Variants in PLCB1 observed in about 807,000 individuals in gnomAD.
PLCB1 encodes the protein 1-phosphatidylinositol 4,5-bisphosphate phosphodiesterase beta-1.
Under a neutral mutation model 161.8 loss-of-function variants are expected in PLCB1, and 46 were observed. The observed-to-expected ratio is 0.28, with a 90% confidence interval of 0.22 to 0.36. The LOEUF (loss-of-function observed/expected upper bound fraction) is 0.36. Ranked by LOEUF, PLCB1 falls within the 10% of genes least tolerant of loss-of-function variation. PLCB1 has a pLI of 1.00. For synonymous variants in PLCB1, 517 were observed against 503.7 expected (o/e 1.03, Z -0.35); for missense variants, 1,016 against 1,472.5 (o/e 0.69, Z 5.07).
At chr20:8,457,345 A>T (rs1981361568) in intron 3 of PLCB1, among the ~76,000 whole-genome samples, 1 of 151,826 alleles carries the variant, frequency 6.6e-6, no homozygotes, top group African/African-American at 2.4e-5. Flanking sequence ...CCACCCACAA[A>T]CCCAGAGTGA....
chr20:8,202,905 G>C (rs1978332643), intron 2 of PLCB1, among the ~76,000 whole-genome samples: 1 of 152,118 alleles, frequency 6.6e-6, no homozygotes, highest in Non-Finnish European at 1.5e-5. Context: ...GTAGAATTTG[G>C]TCTAGGCCTT....
chr20:8,681,084 GTGTATATATA>G (rs1262959654), intron 9 of PLCB1, among the ~76,000 whole-genome samples: 6 of 39,774 alleles, frequency 1.5e-4, no homozygotes, highest in African/African-American at 7.3e-4. Context: ...ATATGTGTGT[GTGTATATATA>G]TATATATATA....
chr20:8,621,184 T>A (rs1225588117), intron 3 of PLCB1, among the ~76,000 whole-genome samples: 1 of 152,148 alleles, frequency 6.6e-6, no homozygotes, highest in East Asian at 1.9e-4. Flanking sequence ...GTCGGGGGTT[T>A]AAACAGGAAG....
chr20:8,286,533 TG>T (rs1483949659), intron 2 of PLCB1, among the ~76,000 whole-genome samples: 1 of 152,186 alleles, frequency 6.6e-6, no homozygotes. Flanking sequence ...CAGAAGATAA[TG>T]GACTGTTGGC....
chr20:8,240,306 G>GCA (rs1243676536), intron 2 of PLCB1, among the ~76,000 whole-genome samples: 2 of 77,118 alleles, frequency 2.6e-5, no homozygotes, highest in Non-Finnish European at 5.6e-5. Flanking sequence ...ACACACACAC[G>GCA]CACACACACA....
chr20:8,499,045 A>G (rs1983296289), intron 3 of PLCB1, among the ~76,000 whole-genome samples: 1 of 152,244 alleles, frequency 6.6e-6, no homozygotes, highest in South Asian at 2.1e-4. Context: ...TTGAAAACCC[A>G]AGAAAAAATA....
At chr20:8,157,979 A>G (rs926781364) in intron 2 of PLCB1, among the ~76,000 whole-genome samples, 3 of 152,174 alleles carry the variant, frequency 2.0e-5, no homozygotes, top group Non-Finnish European at 2.9e-5. Context: ...TAATTACAAA[A>G]TTGTTCCTTG....
intron 3 of PLCB1, among the ~76,000 whole-genome samples, chr20:8,565,914 T>A (rs1322923458): frequency 6.6e-6 from 1 of 152,050 alleles, no homozygotes; most frequent in Non-Finnish European, 1.5e-5. Context: ...GAGCAGAAAT[T>A]TACAAGAAGT....
intron 3 of PLCB1, among the ~76,000 whole-genome samples, chr20:8,414,003 C>CT (rs1466512024): frequency 3.3e-5 from 5 of 152,230 alleles, no homozygotes; most frequent in African/African-American, 1.2e-4. Flanking sequence ...TCCTGAAACT[C>CT]TAACAGATTA....
intron 3 of PLCB1, among the ~76,000 whole-genome samples, chr20:8,528,833 G>C (rs1021228377): frequency 6.6e-6 from 1 of 151,764 alleles, no homozygotes; most frequent in Non-Finnish European, 1.5e-5. Context: ...AACAAGGGGC[G>C]AAAAGTGCTG....
intron 24 of PLCB1, among the ~76,000 whole-genome samples, chr20:8,760,146 C>G (rs2123571476): frequency 6.6e-6 from 1 of 152,178 alleles, no homozygotes; most frequent in East Asian, 1.9e-4. Context: ...CTCAAGTGAT[C>G]CGCCTGCCTC....
chr20:8,861,012 T>A (rs1703601903), intron 31 of PLCB1, among the ~76,000 whole-genome samples: 2 of 152,208 alleles, frequency 1.3e-5, no homozygotes, highest in Non-Finnish European at 1.5e-5. Context: ...TGGTTACTGA[T>A]TTATTAAATA....
intron 2 of PLCB1, among the ~76,000 whole-genome samples, chr20:8,161,314 T>C (rs1332958875): frequency 1.3e-5 from 2 of 152,198 alleles, no homozygotes; most frequent in African/African-American, 4.8e-5. Context: ...CTTACACATA[T>C]ATATAGTGTG....
At chr20:8,149,016 A>G (rs1600199061) in intron 1 of PLCB1, among the ~76,000 whole-genome samples, 5 of 152,342 alleles carry the variant, frequency 3.3e-5, no homozygotes, top group Admixed American at 3.3e-4. Flanking sequence ...CAGCACAGCA[A>G]GGTGAATGCA....
At chr20:8,707,260 C>A (rs924832097) in intron 11 of PLCB1, among the ~76,000 whole-genome samples, 1 of 151,946 alleles carries the variant, frequency 6.6e-6, no homozygotes, top group African/African-American at 2.4e-5. Context: ...AGGGAAATAG[C>A]TTTCAGGAGT....
At chr20:8,613,906 TCATTTGA>T (rs1987973773) in intron 3 of PLCB1, among the ~76,000 whole-genome samples, 1 of 151,882 alleles carries the variant, frequency 6.6e-6, no homozygotes, top group African/African-American at 2.4e-5. Flanking sequence ...AAATGCCACA[TCATTTGA>T]CATTAAACCA....
chr20:8,456,439 G>A (rs931170771), intron 3 of PLCB1, among the ~76,000 whole-genome samples: 20 of 152,206 alleles, frequency 1.3e-4, no homozygotes, highest in African/African-American at 4.8e-4. Context: ...TAGTAGCACT[G>A]GTTTTTGGGA....
chr20:8,746,576 C>A (rs979459460), intron 23 of PLCB1, among the ~76,000 whole-genome samples: 4 of 152,274 alleles, frequency 2.6e-5, no homozygotes, highest in Non-Finnish European at 5.9e-5. Flanking sequence ...CAACTCCCAG[C>A]TCAAGCAATC....
At chr20:8,835,969 A>C (rs1986265208) in intron 31 of PLCB1, among the ~76,000 whole-genome samples, 1 of 152,024 alleles carries the variant, frequency 6.6e-6, no homozygotes, top group African/African-American at 2.4e-5. Context: ...AGCTGGTCTT[A>C]GGCAGGTATC....
Sources: allele counts gnomAD v4.1 joint callset (sites outside exome capture counted in the v4.1 genomes callset), GRCh38; gene constraint gnomAD v4.1.1; transcripts MANE v1.5; gene names NCBI Gene and HGNC (gene_info 2026-07-23, HGNC 2026-07-21).